Variants in ZNF83 observed in about 807,000 individuals in gnomAD.
The protein encoded by ZNF83 is zinc finger protein 816B.
For synonymous variants in ZNF83, 209 were observed against 213.0 expected (o/e 0.98, Z 0.17); for missense variants, 552 against 629.9 (o/e 0.88, Z 1.32).
At chr19:52,682,873 T>A (rs1355343606) in intron 1 of ZNF83, among the ~76,000 whole-genome samples, 2 of 151,994 alleles carry the variant, frequency 1.3e-5, no homozygotes, top group East Asian at 3.9e-4. Context: ...TCTCTCTCTG[T>A]CTCTCTTTTT....
intron 2 of ZNF83, among the ~76,000 whole-genome samples, chr19:52,659,302 T>C (rs1480524744): frequency 6.6e-6 from 1 of 151,678 alleles, no homozygotes; most frequent in African/African-American, 2.4e-5. Context: ...AAGGATTTCG[T>C]GGTCAAGCCA....
chr19:52,652,487 CCAT>C (rs2061454690), intron 3 of ZNF83: 2 of 442,190 alleles, frequency 4.5e-6, no homozygotes, highest in African/African-American at 4.1e-5. Context: ...AGGTTCTCTC[CCAT>C]ATGAATTCTC....
At chr19:52,622,913 C>T (rs2060600880) in intron 2 of ZNF83, among the ~76,000 whole-genome samples, 1 of 152,236 alleles carries the variant, frequency 6.6e-6, no homozygotes, top group African/African-American at 2.4e-5. Context: ...AATTACTTGC[C>T]TCTGCTGTGA....
Position 52,669,155 on chromosome 19 carries a change from T to TA in ZNF83, c.-282-8313dup, listed in dbSNP as rs1295281846. Among the ~76,000 whole-genome samples the TA allele has an allele frequency of 3.9e-5, 6 of 152,366 alleles. No individual in the cohort carries two copies. In the South Asian group the frequency reaches 1.0e-3, roughly 26 times the overall value. Reference sequence around the variant, plus strand: ...TTTACTGAGTAACTGAAGTGGCACTTATGCTTTAGTCCAATTGGCTATCCC... The same window carrying TA: ...TTTACTGAGTAACTGAAGTGGCACTTAATGCTTTAGTCCAATTGGCTATCCC... On this transcript the variant is annotated intron_variant, in intron 1 of 5. Coordinates refer to the ZNF83 transcript ENST00000594682.
At chr19:52,657,534 A>G (rs2061521918) in intron 2 of ZNF83, among the ~76,000 whole-genome samples, 1 of 152,130 alleles carries the variant, frequency 6.6e-6, no homozygotes, top group Non-Finnish European at 1.5e-5. Flanking sequence ...TCAAAAAATA[A>G]TAAAATAATT....
chr19:52,680,606 A>ATTTTTTTTTTTTT (rs556558292), intron 1 of ZNF83, among the ~76,000 whole-genome samples: 1 of 88,960 alleles, frequency 1.1e-5, no homozygotes, highest in Non-Finnish European at 2.1e-5. Context: ...TCCACAAAAT[A>ATTTTTTTTTTTTT]TTTTTTTTTT....
intron 2 of ZNF83, among the ~76,000 whole-genome samples, chr19:52,660,568 A>T (rs1427149414): frequency 6.6e-6 from 1 of 152,142 alleles, no homozygotes; most frequent in Non-Finnish European, 1.5e-5. Flanking sequence ...CAGTGATCCC[A>T]GATTGCTCCA....
chr19:52,678,458 A>AAG (rs1555791284), intron 1 of ZNF83, among the ~76,000 whole-genome samples: 9 of 151,454 alleles, frequency 5.9e-5, no homozygotes, highest in African/African-American at 9.7e-5. Flanking sequence ...TCAAAAAAAA[A>AAG]AAAAAAGAAA....
chr19:52,653,091 A>C, intron 3 of ZNF83: 1 of 1,480,446 alleles, frequency 6.8e-7, no homozygotes, highest in Non-Finnish European at 9.4e-7. Context: ...GAATTGCCTT[A>C]TGAATTAGAA....
intron 2 of ZNF83, among the ~76,000 whole-genome samples, chr19:52,632,634 TTAAAG>T (rs1447054556): frequency 2.1e-5 from 3 of 139,872 alleles, no homozygotes; most frequent in East Asian, 4.2e-4. Context: ...CTCTTAACTC[TTAAAG>T]TAAATAAATA....
At chr19:52,679,120 G>A (rs2061866699) in intron 1 of ZNF83, among the ~76,000 whole-genome samples, 1 of 152,202 alleles carries the variant, frequency 6.6e-6, no homozygotes, top group South Asian at 2.1e-4. Flanking sequence ...AAAATGAACA[G>A]TGACACATAT....
intron 1 of ZNF83, among the ~76,000 whole-genome samples, chr19:52,637,859 TG>T (rs1392864762): frequency 6.7e-6 from 1 of 149,776 alleles, no homozygotes. Context: ...AGGAGGGAGG[TG>T]GGGGGGAGAC....
chr19:52,654,283 G>A (rs1265575602), intron 3 of ZNF83: 1 of 1,546,918 alleles, frequency 6.5e-7, no homozygotes, highest in Non-Finnish European at 8.9e-7. Context: ...CTTGATTTCT[G>A]GGAAGCAAAA....
intron 2 of ZNF83, among the ~76,000 whole-genome samples, chr19:52,620,846 T>C (rs2060516607): frequency 6.6e-6 from 1 of 152,178 alleles, no homozygotes; most frequent in African/African-American, 2.4e-5. Context: ...GACCAATGGA[T>C]CAACCTCATG....
At chr19:52,665,251 T>C (rs1277958717) in intron 1 of ZNF83, among the ~76,000 whole-genome samples, 1 of 151,976 alleles carries the variant, frequency 6.6e-6, no homozygotes, top group African/African-American at 2.4e-5. Context: ...CACCACCTGC[T>C]GCTTAAACAC....
intron 2 of ZNF83, among the ~76,000 whole-genome samples, chr19:52,622,107 C>A (rs1043614736): frequency 6.6e-6 from 1 of 152,002 alleles, no homozygotes; most frequent in East Asian, 1.9e-4. Flanking sequence ...AGCCTCCACT[C>A]CCCCACCCTG....
At chr19:52,652,461 A>G in intron 3 of ZNF83, 1 of 412,202 alleles carries the variant, frequency 2.4e-6, no homozygotes, top group East Asian at 7.3e-5. Context: ...TGACTGCCAC[A>G]ATTATCACAG....
chr19:52,657,649 A>T (rs1317456926), intron 2 of ZNF83, among the ~76,000 whole-genome samples: 1 of 152,208 alleles, frequency 6.6e-6, no homozygotes, highest in African/African-American at 2.4e-5. Flanking sequence ...GGAATTCGCG[A>T]CCAGCCTGAC....
chr19:52,674,140 C>T (rs997487700), intron 1 of ZNF83: 2 of 152,120 alleles, frequency 1.3e-5, no homozygotes, highest in Non-Finnish European at 2.9e-5. Context: ...GTTAAAAAGC[C>T]CTCAAATGAA....
Sources: gnomAD v4.1 joint callset for allele counts (sites outside exome capture counted in the v4.1 genomes callset) on GRCh38, gnomAD v4.1.1 for gene constraint, MANE v1.5 for transcripts, NCBI Gene and HGNC (gene_info 2026-07-23, HGNC 2026-07-21) for gene names.